Variants in RBFOX2 observed in about 807,000 individuals in gnomAD.
RBFOX2 encodes the protein RNA binding protein fox-1 homolog 2.
RBFOX2 carries 10 observed loss-of-function variants against 49.1 expected under a neutral mutation model. That is an observed-to-expected ratio of 0.20 (90% CI 0.13 to 0.35). The LOEUF is 0.35. Ranked by LOEUF, RBFOX2 falls within the 10% of genes least tolerant of loss-of-function variation. The probability of loss-of-function intolerance (pLI) is 1.00; values close to 1 mark genes in which losing one functional copy is unlikely to be tolerated. For synonymous variants in RBFOX2, 183 were observed against 187.4 expected, an observed-to-expected ratio of 0.98 and a Z score of 0.19; for missense variants, 323 against 486.9, an observed-to-expected ratio of 0.66 and a Z score of 3.17.
At chr22:35,880,108 T>A (rs543539962) in intron 1 of RBFOX2, among the ~76,000 whole-genome samples, 13 of 151,396 alleles carry the variant, frequency 8.6e-5, no homozygotes, top group Non-Finnish European at 1.9e-4. Flanking sequence ...GTGAGCCAGA[T>A]CATGCCACGG....
chr22:35,819,215 A>G (rs930941876), intron 1 of RBFOX2, among the ~76,000 whole-genome samples: 3 of 152,172 alleles, frequency 2.0e-5, no homozygotes, highest in African/African-American at 4.8e-5. Context: ...CTTCTGCAGT[A>G]TAAGTCTATA....
chr22:35,922,673 C>T (rs1182070642), intron 1 of RBFOX2, among the ~76,000 whole-genome samples: 1 of 151,806 alleles, frequency 6.6e-6, no homozygotes, highest in Non-Finnish European at 1.5e-5. Flanking sequence ...ATAGCTTTTA[C>T]ATCTTGTAAT....
intron 1 of RBFOX2, among the ~76,000 whole-genome samples, chr22:35,873,516 A>G (rs1311559897): frequency 1.3e-5 from 2 of 152,210 alleles, no homozygotes; most frequent in Non-Finnish European, 2.9e-5. Flanking sequence ...AGTTCCTACA[A>G]TAGTACTAGT....
At chr22:35,776,430 T>C (rs1489552510) in intron 4 of RBFOX2, among the ~76,000 whole-genome samples, 1 of 152,246 alleles carries the variant, frequency 6.6e-6, no homozygotes, top group Non-Finnish European at 1.5e-5. Context: ...AAATAATTGT[T>C]ATAGTCAGGA....
At chr22:35,961,540 C>CA in intron 1 of RBFOX2, 2 of 1,304,050 alleles carry the variant, frequency 1.5e-6, no homozygotes, top group Non-Finnish European at 2.0e-6. Context: ...CACCACCCCC[C>CA]ACACACCCAA....
chr22:36,025,790 A>T (rs2059409636), intron 1 of RBFOX2, among the ~76,000 whole-genome samples: 1 of 152,172 alleles, frequency 6.6e-6, no homozygotes. Context: ...GCACTTTGGG[A>T]GGCCGAGGTG....
intron 1 of RBFOX2, among the ~76,000 whole-genome samples, chr22:35,917,139 T>C (rs2050517895): frequency 6.6e-6 from 1 of 152,248 alleles, no homozygotes; most frequent in South Asian, 2.1e-4. Context: ...GAGCAACTCC[T>C]AGGTGATGGG....
At chr22:35,854,060 A>C (rs1169052608) in intron 1 of RBFOX2, among the ~76,000 whole-genome samples, 1 of 151,826 alleles carries the variant, frequency 6.6e-6, no homozygotes, top group Non-Finnish European at 1.5e-5. Context: ...AAAATACAAA[A>C]AATTAGCCAG....
chr22:35,911,562 C>A (rs2049835416), intron 1 of RBFOX2, among the ~76,000 whole-genome samples: 1 of 151,964 alleles, frequency 6.6e-6, no homozygotes, highest in Non-Finnish European at 1.5e-5. Flanking sequence ...TCAAGGGAGC[C>A]AAAATATAAA....
chr22:35,878,276 T>C (rs1437921864), intron 1 of RBFOX2, among the ~76,000 whole-genome samples: 1 of 152,026 alleles, frequency 6.6e-6, no homozygotes, highest in Non-Finnish European at 1.5e-5. Flanking sequence ...TATGGACCTT[T>C]AAACCCAGCT....
At chr22:35,925,023 AAT>A (rs143396884) in intron 1 of RBFOX2, among the ~76,000 whole-genome samples, 3 of 150,418 alleles carry the variant, frequency 2.0e-5, no homozygotes, top group Non-Finnish European at 4.4e-5. Context: ...TACTAAAATA[AAT>A]ATATATATAT....
chr22:35,754,216 C>T (rs186028449), intron 9 of RBFOX2, among the ~76,000 whole-genome samples: 31 of 151,802 alleles, frequency 2.0e-4, no homozygotes, highest in Middle Eastern at 3.4e-3. Flanking sequence ...ATCAGCCTCC[C>T]GAGTAGCTGG....
Position 35,759,224 on chromosome 22 carries a change from T to TA in RBFOX2, c.887+663dup. Among the ~76,000 whole-genome samples the TA allele has an allele frequency of 6.6e-6, 1 of 152,134 alleles. No individual in the cohort carries two copies. Among genetic ancestry groups the TA allele is most frequent in the Admixed American group, 6.5e-5 (1 of 15,268 alleles). On this transcript the variant is annotated intron_variant, in intron 9 of 11. Coordinates refer to ENST00000405409, the Ensembl canonical transcript of RBFOX2. This position sits in a 1 kb window ranked among gnomAD's most constrained non-coding sequence, Gnocchi z 4.6. ...ATTCCACTGCATGAGACACCCTCCA[T>TA]AAAAAAATCAAACGGTGAAGGATGC...
intron 9 of RBFOX2, among the ~76,000 whole-genome samples, chr22:35,755,768 G>T (rs965155364): frequency 6.6e-6 from 1 of 151,994 alleles, no homozygotes; most frequent in Non-Finnish European, 1.5e-5. Flanking sequence ...AATAATAAAA[G>T]ACTTTAAACC....
At chr22:35,934,586 C>T (rs745971867) in intron 1 of RBFOX2, among the ~76,000 whole-genome samples, 4 of 152,150 alleles carry the variant, frequency 2.6e-5, no homozygotes, top group Non-Finnish European at 4.4e-5. Context: ...AGTTGTTGCA[C>T]CAAAAGCGAG....
intron 4 of RBFOX2, among the ~76,000 whole-genome samples, chr22:35,771,835 A>G (rs1476571914): frequency 6.6e-6 from 1 of 152,212 alleles, no homozygotes; most frequent in Non-Finnish European, 1.5e-5. Flanking sequence ...ACAGTGCTAA[A>G]GATGTTCACA....
At chr22:35,752,780 AG>A (rs1490024497) in intron 9 of RBFOX2, 25 of 346,682 alleles carry the variant, frequency 7.2e-5, no homozygotes, top group Non-Finnish European at 9.7e-5. Flanking sequence ...TGCTTTTCAC[AG>A]GAGGTGATTT....
chr22:35,902,118 AC>A (rs773785858), intron 1 of RBFOX2, among the ~76,000 whole-genome samples: 5 of 151,812 alleles, frequency 3.3e-5, no homozygotes, highest in Non-Finnish European at 7.4e-5. Flanking sequence ...ATCTTAAAAG[AC>A]CCATCTTTCC....
intron 1 of RBFOX2, among the ~76,000 whole-genome samples, chr22:35,909,228 T>TGA (rs1397229367): frequency 2.6e-5 from 4 of 152,242 alleles, no homozygotes; most frequent in Admixed American, 1.3e-4. Context: ...GAGGCCAAGG[T>TGA]GAGAGGATCG....
Sources: gnomAD v4.1 joint callset for allele counts (sites outside exome capture counted in the v4.1 genomes callset) on GRCh38, gnomAD v4.1.1 for gene constraint, Gnocchi (gnomAD v3.1) non-coding constraint, MANE v1.5 for transcripts, NCBI Gene and HGNC (gene_info 2026-07-23, HGNC 2026-07-21) for gene names.